SLC2A13: variants seen among roughly 807,000 people sequenced by gnomAD.
SLC2A13 encodes the protein proton myo-inositol cotransporter.
SLC2A13 carries 32 observed loss-of-function variants against 64.4 expected under a neutral mutation model. That is an observed-to-expected ratio of 0.50 (90% CI 0.37 to 0.67). The LOEUF is 0.67. Among genes scored for constraint, SLC2A13 ranks in the 30% least tolerant of loss-of-function variants. The pLI is 0.00. For synonymous variants in SLC2A13, 338 were observed against 327.1 expected, an observed-to-expected ratio of 1.03 and a Z score of -0.36; for missense variants, 743 against 829.2, an observed-to-expected ratio of 0.90 and a Z score of 1.28.
chr12:39,971,997 A>AAAAAAAAAG (rs1375405006), intron 3 of SLC2A13, among the ~76,000 whole-genome samples: 1 of 77,380 alleles, frequency 1.3e-5, no homozygotes, highest in Non-Finnish European at 2.5e-5. Flanking sequence ...AAAAAAAAAA[A>AAAAAAAAAG]ATATATATAT....
rs1944067726 is a variant in SLC2A13, at chr12:39,871,977, T to C, written c.1035-16A>G. The C allele has an allele frequency of 3.2e-6, 5 of 1,551,570 alleles. No homozygotes were observed. The highest frequency in any genetic ancestry group is 4.3e-6 in the Non-Finnish European group (5 of 1,149,604). ...ACTGTAGTACCTGCAAAGCAATGAA[T>C]AAAACAATTGCTATTGATAGTTACC... On this transcript the variant is annotated splice_polypyrimidine_tract_variant and intron_variant, in intron 4 of 9. Transcript: ENST00000280871.
At chr12:40,067,106 T>C (rs1365287869) in intron 1 of SLC2A13, among the ~76,000 whole-genome samples, 4 of 152,206 alleles carry the variant, frequency 2.6e-5, no homozygotes, top group Non-Finnish European at 5.9e-5. Flanking sequence ...TGTACAAAAC[T>C]GCAAATCGAG....
intron 4 of SLC2A13, among the ~76,000 whole-genome samples, chr12:39,885,421 T>A (rs1477661744): frequency 6.6e-6 from 1 of 152,138 alleles, no homozygotes; most frequent in Non-Finnish European, 1.5e-5. Flanking sequence ...ACAGAGAGAA[T>A]CTCTGTACCA....
intron 6 of SLC2A13, among the ~76,000 whole-genome samples, chr12:39,837,633 C>G (rs900489589): frequency 6.7e-6 from 1 of 149,644 alleles, no homozygotes; most frequent in African/African-American, 2.4e-5. Flanking sequence ...TGAACTCCAA[C>G]AAATTTACAA....
intron 4 of SLC2A13, among the ~76,000 whole-genome samples, chr12:39,925,078 C>G (rs1019155290): frequency 1.6e-4 from 24 of 147,024 alleles, no homozygotes; most frequent in Middle Eastern, 3.7e-3. Context: ...CTCTGCCACC[C>G]AGGCTAGAGT....
intron 3 of SLC2A13, among the ~76,000 whole-genome samples, chr12:39,986,552 A>G (rs1429532722): frequency 3.3e-5 from 5 of 152,134 alleles, no homozygotes; most frequent in Non-Finnish European, 7.3e-5. Flanking sequence ...CACACAAAAT[A>G]CAATTTTGAA....
intron 1 of SLC2A13, among the ~76,000 whole-genome samples, chr12:40,048,483 A>G (rs1266804174): frequency 8.5e-5 from 13 of 152,196 alleles, no homozygotes; most frequent in Non-Finnish European, 1.5e-5. Flanking sequence ...CAGAGTGCAT[A>G]TAAGTATGCT....
At chr12:40,079,188 T>C (rs1938297514) in intron 1 of SLC2A13, among the ~76,000 whole-genome samples, 1 of 152,216 alleles carries the variant, frequency 6.6e-6, no homozygotes, top group Admixed American at 6.5e-5. Flanking sequence ...CCCTCTTGTA[T>C]TTCTAGTTCC....
chr12:39,920,952 T>C (rs913637088), intron 4 of SLC2A13, among the ~76,000 whole-genome samples: 23 of 151,998 alleles, frequency 1.5e-4, no homozygotes, highest in African/African-American at 5.3e-4. Flanking sequence ...CCTCCACAAC[T>C]TCAGCACTAT....
At chr12:39,993,025 G>A (rs1185028274) in intron 3 of SLC2A13, among the ~76,000 whole-genome samples, 1 of 152,064 alleles carries the variant, frequency 6.6e-6, no homozygotes, top group Non-Finnish European at 1.5e-5. Context: ...ACATATACAT[G>A]TAATATATTT....
intron 1 of SLC2A13, among the ~76,000 whole-genome samples, chr12:40,062,851 T>C (rs1948446043): frequency 6.6e-6 from 1 of 152,116 alleles, no homozygotes; most frequent in Admixed American, 6.6e-5. Context: ...TATCTATCTT[T>C]ATGAGAACTT....
chr12:39,845,337 T>C (rs1943278521), intron 6 of SLC2A13, among the ~76,000 whole-genome samples: 1 of 152,132 alleles, frequency 6.6e-6, no homozygotes, highest in Non-Finnish European at 1.5e-5. Context: ...TATCTTCCTA[T>C]GCACCAAGAA....
At chr12:40,001,797 C>A (rs1405332108) in intron 3 of SLC2A13, among the ~76,000 whole-genome samples, 2 of 152,298 alleles carry the variant, frequency 1.3e-5, no homozygotes, top group East Asian at 1.9e-4. Context: ...AAAAATAATT[C>A]TATTTCTTCA....
chr12:39,827,206 G>A (rs937300279), intron 7 of SLC2A13, among the ~76,000 whole-genome samples: 3 of 151,856 alleles, frequency 2.0e-5, no homozygotes, highest in Non-Finnish European at 4.4e-5. Context: ...ATTTGTTTAC[G>A]TTTCTCAACT....
At chr12:39,783,238 T>A (rs975890558) in intron 7 of SLC2A13, among the ~76,000 whole-genome samples, 3 of 152,358 alleles carry the variant, frequency 2.0e-5, no homozygotes, top group Non-Finnish European at 4.4e-5. Flanking sequence ...CCATGGTGTA[T>A]ATGTGCCACA....
intron 7 of SLC2A13, among the ~76,000 whole-genome samples, chr12:39,776,460 T>C (rs1940783028): frequency 6.6e-6 from 1 of 152,318 alleles, no homozygotes; most frequent in Admixed American, 6.5e-5. Context: ...GGGTGGGTGC[T>C]GTATACCAGA....
In SLC2A13 at chr12:39,813,490, T is replaced by C. The variant is rs1052272815; in HGVS notation, c.1445+16613A>G. Reference sequence around the variant, plus strand: ...ATTTCAGATACCATATTTCATCTGTTACTATTTCAGTATGTATCTCTGCAA... The same window carrying C: ...ATTTCAGATACCATATTTCATCTGTCACTATTTCAGTATGTATCTCTGCAA... On this transcript the variant is annotated intron_variant, in intron 7 of 9. Coordinates refer to ENST00000280871, the MANE Select transcript of SLC2A13 (RefSeq NM_052885.4). Among the ~76,000 whole-genome samples, 3 of 152,316 alleles carry C rather than the reference T, an allele frequency of 2.0e-5. No homozygotes were observed. The South Asian group carries it at 6.2e-4, about 32-fold the overall frequency.
intron 4 of SLC2A13, among the ~76,000 whole-genome samples, chr12:39,892,328 T>G (rs891101287): frequency 6.6e-6 from 1 of 151,930 alleles, no homozygotes; most frequent in African/African-American, 2.4e-5. Context: ...CTGAGCTGAC[T>G]TGTGTGTGTG....
In SLC2A13 at chr12:39,756,511, C is replaced by T. The variant is rs1390953519; in HGVS notation, c.*3515G>A. 1 of 151,768 alleles carries T rather than the reference C, an allele frequency of 6.6e-6. No individual in the cohort carries two copies. Among genetic ancestry groups the T allele is most frequent in the African/African-American group, 2.4e-5 (1 of 41,394 alleles). The allele number at this position is 151,768 out of a possible 1,614,324, so 9.4% of individuals were successfully genotyped here. ...TGCTGATGAAATAAAACCAAAATAACATTCCAACTCTCTCCACTGTATTAC... is the reference window on the plus strand; with the variant it reads ...TGCTGATGAAATAAAACCAAAATAATATTCCAACTCTCTCCACTGTATTAC... On this transcript the variant is annotated 3_prime_UTR_variant, in exon 10 of 10. Coordinates refer to ENST00000280871, the MANE Select transcript of SLC2A13 (RefSeq NM_052885.4).
Sources: allele counts gnomAD v4.1 joint callset (sites outside exome capture counted in the v4.1 genomes callset), GRCh38; gene constraint gnomAD v4.1.1; transcripts MANE v1.5; gene names NCBI Gene and HGNC (gene_info 2026-07-23, HGNC 2026-07-21).